Variants in USO1 observed in about 807,000 individuals in gnomAD.
The protein encoded by USO1 is USO1 vesicle transport factor, also known as general vesicular transport factor p115.
In USO1, 57 loss-of-function variants were observed where a neutral mutation model predicts 124.5. The observed-to-expected ratio is 0.46, with a 90% confidence interval of 0.37 to 0.57. The LOEUF (loss-of-function observed/expected upper bound fraction) is 0.57, where lower values mean the gene tolerates loss of function less well. USO1 is among the 20% of genes least tolerant of loss of function. The pLI, the probability that USO1 is intolerant of heterozygous loss-of-function variation, is 0.00. For missense variants in USO1, 900 were observed against 1,040.6 expected, an observed-to-expected ratio of 0.86 and a Z score of 1.86; for synonymous variants, 369 against 362.8, an observed-to-expected ratio of 1.02 and a Z score of -0.19.
Position 75,790,183 on chromosome 4 carries a change from T to C in USO1, c.1030T>C (p.Cys344Arg). The change falls in exon 11 of 24, where the codon TGC becomes CGC. Residue 344 changes from cysteine (C) to arginine (R), a missense_variant. Physicochemically the swap from Cys to Arg is radical, Grantham distance 180 (BLOSUM62 -3). Coordinates refer to ENST00000514213, the MANE Select transcript of USO1 (RefSeq NM_003715.4). ...INTVSEVIRG[C>R]QVNQDYFASV... ...TACTGTATCAGAAGTTATTCGAGGC[T>C]GCCAAGTAAACCAAGACTACTTTGC... is the stretch of plus-strand genomic sequence containing the variant. 6.2e-7 allele frequency: 1 copy of C among 1,605,000 alleles called. No homozygotes were observed. The highest frequency in any genetic ancestry group is 1.3e-5 in the African/African-American group (1 of 74,958).
At chr4:75,788,171 A>T (rs200897343) in intron 10 of USO1, among the ~76,000 whole-genome samples, 5,749 of 123,024 alleles carry the variant, frequency 0.047, 249 homozygotes, top group African/African-American at 0.11. Context: ...TTATTTATTT[A>T]TTTTTTTTTT....
At chr4:75,784,555 C>A (rs1478959427) in intron 9 of USO1, among the ~76,000 whole-genome samples, 3 of 152,136 alleles carry the variant, frequency 2.0e-5, no homozygotes, top group Non-Finnish European at 2.9e-5. Context: ...TGACTCACAC[C>A]TATGATCCCA....
intron 7 of USO1, among the ~76,000 whole-genome samples, chr4:75,771,480 C>T (rs1389967429): frequency 6.6e-6 from 1 of 152,168 alleles, no homozygotes; most frequent in Non-Finnish European, 1.5e-5. Context: ...GTTAGACAAA[C>T]CATTTTGCCA....
At chr4:75,811,902 A>G (rs1272833846) in intron 22 of USO1, among the ~76,000 whole-genome samples, 2 of 152,130 alleles carry the variant, frequency 1.3e-5, no homozygotes, top group Non-Finnish European at 1.5e-5. Flanking sequence ...TAAGTCTCTT[A>G]AAGGTTTTTT....
intron 1 of USO1, among the ~76,000 whole-genome samples, chr4:75,751,188 A>G (rs1721288282): frequency 8.1e-6 from 1 of 122,998 alleles, no homozygotes; most frequent in Non-Finnish European, 1.9e-5. Flanking sequence ...TCTATAAATT[A>G]TTTTATTTTA....
chr4:75,800,604 G>A lies in USO1; in HGVS notation c.1683-14G>A, dbSNP rs2149189320. On this transcript the variant is annotated splice_polypyrimidine_tract_variant and intron_variant, in intron 15 of 23. Coordinates refer to ENST00000514213, the MANE Select transcript of USO1 (RefSeq NM_003715.4). ...TATTTTTTTTAAAGCATCTCAATAT[G>A]CTTATCTCCGTAGAGAGAAGCTAAA... 6.6e-7 allele frequency: 1 copy of A among 1,509,974 alleles called. No individual in the cohort carries two copies. Among genetic ancestry groups the A allele is most frequent in the East Asian group, 2.4e-5 (1 of 41,450 alleles). The allele number at this position is 1,509,974 out of a possible 1,614,324, so 93.5% of individuals were successfully genotyped here.
At position 75,806,525 on chromosome 4, in the gene USO1, G is replaced by A. The variant is rs1723001238; in HGVS notation, c.2329G>A (p.Ala777Thr). Reference protein sequence around the residue: ...QTSGTNEQSSAIVSARDSEQV... With the variant: ...QTSGTNEQSSTIVSARDSEQV... ...ATCTGGCACAAATGAACAGTCTTCA[G>A]CAATAGTTTCAGCTAGAGATTCTGA... Residue 777 changes from alanine (A) to threonine (T), a missense_variant, in exon 20 of 24, where the codon GCA becomes ACA. By Grantham distance (58) the Ala-to-Thr change is moderately conservative. Transcript: ENST00000514213. 1.3e-6 allele frequency: 2 copies of A among 1,562,148 alleles called. No individual in the cohort carries two copies. Among genetic ancestry groups the A allele is most frequent in the Non-Finnish European group, 1.7e-6 (2 of 1,152,012 alleles).
At chr4:75,766,244 A>G (rs1289288525) in intron 4 of USO1, among the ~76,000 whole-genome samples, 1 of 152,202 alleles carries the variant, frequency 6.6e-6, no homozygotes, top group Non-Finnish European at 1.5e-5. Flanking sequence ...TGTCTTTTGC[A>G]TCTTGGTGAT....
intron 1 of USO1, among the ~76,000 whole-genome samples, chr4:75,728,395 G>T (rs1344241417): frequency 2.0e-5 from 3 of 152,242 alleles, no homozygotes; most frequent in East Asian, 3.8e-4. Context: ...GGCCAAGGCA[G>T]ATGGAGCACT....
chr4:75,756,417 TATAAA>T (rs5859474), intron 3 of USO1, among the ~76,000 whole-genome samples: 29,846 of 151,734 alleles, frequency 0.2, 3,104 homozygotes, highest in African/African-American at 0.24. Context: ...TACTGAGTCT[TATAAA>T]GTTAATGATG....
chr4:75,768,166 G>A (rs1296204438), intron 4 of USO1, among the ~76,000 whole-genome samples: 1 of 151,950 alleles, frequency 6.6e-6, no homozygotes, highest in Non-Finnish European at 1.5e-5. Context: ...ACAGGCATGC[G>A]CCACCAAGCC....
intron 3 of USO1, chr4:75,755,538 G>A (rs191154691): frequency 8.4e-5 from 43 of 511,936 alleles, no homozygotes; most frequent in East Asian, 4.4e-4. Context: ...TCGTAGACTC[G>A]TTTTCAGTTA....
At chr4:75,799,836 C>A in intron 14 of USO1, 104 bp downstream of exon 14, 1 of 1,335,804 alleles carries the variant, frequency 7.5e-7, no homozygotes, top group Non-Finnish European at 1.0e-6. Context: ...GAATTCTCCA[C>A]TATCTTATCT....
chr4:75,768,505 A>G (rs911175801), intron 4 of USO1, among the ~76,000 whole-genome samples: 12 of 152,216 alleles, frequency 7.9e-5, no homozygotes, highest in Admixed American at 2.6e-4. Context: ...CAACTTTCTA[A>G]GCTTACTTAT....
intron 1 of USO1, among the ~76,000 whole-genome samples, chr4:75,748,114 G>A (rs971314002): frequency 4.6e-4 from 69 of 151,430 alleles, no homozygotes; most frequent in Non-Finnish European, 7.4e-5. Flanking sequence ...TCTGTGTTGA[G>A]GCTGGTCTCG....
intron 5 of USO1, 113 bp downstream of exon 5, chr4:75,770,652 T>G: frequency 6.8e-7 from 1 of 1,461,218 alleles, no homozygotes; most frequent in Non-Finnish European, 9.1e-7. Context: ...AAGTTTATTG[T>G]ATTATAGCAA....
chr4:75,790,004 A>C, intron 10 of USO1, 146 bp from the exon 11 acceptor site: 3 of 892,022 alleles, frequency 3.4e-6, no homozygotes, highest in Non-Finnish European at 4.6e-6. Flanking sequence ...ATATGTAACT[A>C]ACCTGCACAA....
chr4:75,804,107 A>C, intron 17 of USO1, 27 bp from the exon 18 acceptor site: 1 of 1,608,688 alleles, frequency 6.2e-7, no homozygotes, highest in South Asian at 1.1e-5. Flanking sequence ...TGACTTTAAA[A>C]CACATGAATT....
intron 1 of USO1, among the ~76,000 whole-genome samples, chr4:75,738,854 G>C (rs1352089210): frequency 6.6e-6 from 1 of 151,634 alleles, no homozygotes; most frequent in Non-Finnish European, 1.5e-5. Flanking sequence ...TTGTTTGTTT[G>C]TTTTGTTTGG....
Sources: gnomAD v4.1 joint callset for allele counts (sites outside exome capture counted in the v4.1 genomes callset) on GRCh38, gnomAD v4.1.1 for gene constraint, MANE v1.5 for transcripts, NCBI Gene and HGNC (gene_info 2026-07-23, HGNC 2026-07-21) for gene names.